The following PTPRM variants were observed in gnomAD, a reference collection of about 807,000 sequenced individuals.
PTPRM encodes the protein protein tyrosine phosphatase receptor type M.
Under a neutral mutation model 186.7 loss-of-function variants are expected in PTPRM, and 47 were observed. The observed-to-expected ratio is 0.25, with a 90% CI of 0.20 to 0.32. The LOEUF (loss-of-function observed/expected upper bound fraction) is 0.32. Among genes scored for constraint, PTPRM ranks in the 10% least tolerant of loss-of-function variants. PTPRM has a pLI of 1.00. For synonymous variants in PTPRM, 668 were observed against 674.9 expected, an observed-to-expected ratio of 0.99 and a Z score of 0.16; for missense variants, 1,494 against 1,865.0, an observed-to-expected ratio of 0.80 and a Z score of 3.66.
intron 1 of PTPRM, among the ~76,000 whole-genome samples, chr18:7,572,844 C>T (rs1320729945): frequency 2.0e-5 from 3 of 152,158 alleles, no homozygotes; most frequent in African/African-American, 7.2e-5. Context: ...GTCTTTCCAA[C>T]TCACAAACAT....
intron 2 of PTPRM, among the ~76,000 whole-genome samples, chr18:7,875,360 A>G (rs2048187580): frequency 6.8e-6 from 1 of 146,844 alleles, no homozygotes; most frequent in East Asian, 2.0e-4. Flanking sequence ...GTCTCCCTCT[A>G]TTGCCCAGGC....
At chr18:8,316,128 C>T (rs933970962) in intron 21 of PTPRM, among the ~76,000 whole-genome samples, 1 of 152,198 alleles carries the variant, frequency 6.6e-6, no homozygotes, top group Non-Finnish European at 1.5e-5. Flanking sequence ...AGTGTCTTAT[C>T]CAGTCCACTT....
At chr18:7,634,887 A>G (rs898145393) in intron 1 of PTPRM, among the ~76,000 whole-genome samples, 2 of 152,230 alleles carry the variant, frequency 1.3e-5, no homozygotes, top group Non-Finnish European at 2.9e-5. Context: ...AATAACATGC[A>G]TATGACAACA....
At chr18:8,048,564 T>G (rs969745448) in intron 7 of PTPRM, among the ~76,000 whole-genome samples, 1 of 151,650 alleles carries the variant, frequency 6.6e-6, no homozygotes, top group African/African-American at 2.4e-5. Context: ...ATAGGCTCTT[T>G]TAAATTGAGG....
chr18:8,032,798 A>T (rs1248176918), intron 7 of PTPRM, among the ~76,000 whole-genome samples: 1 of 152,136 alleles, frequency 6.6e-6, no homozygotes, highest in Non-Finnish European at 1.5e-5. Context: ...GTAACCAGAA[A>T]TGAGTTATTT....
intron 1 of PTPRM, among the ~76,000 whole-genome samples, chr18:7,723,044 T>C (rs1350438645): frequency 6.6e-6 from 1 of 152,260 alleles, no homozygotes; most frequent in Non-Finnish European, 1.5e-5. Flanking sequence ...GTCAGTGAAC[T>C]AGCGTTTGAA....
chr18:7,643,597 C>T (rs188383527), intron 1 of PTPRM, among the ~76,000 whole-genome samples: 126 of 152,266 alleles, frequency 8.3e-4, no homozygotes, highest in African/African-American at 2.6e-3. Flanking sequence ...GCTTTGGCCT[C>T]GCAAAGTGCT....
At position 7,611,053 on chromosome 18, in the gene PTPRM, T is replaced by C. The variant is rs557587287; in HGVS notation, c.73+43162T>C. Among the ~76,000 whole-genome samples, 11 of 152,238 alleles carry C rather than the reference T, an allele frequency of 7.2e-5. No individual in the cohort carries two copies. The East Asian group carries it at 1.7e-3, about 24-fold the overall frequency. On this transcript the variant is annotated intron_variant, in intron 1 of 32. Coordinates refer to ENST00000580170, the MANE Select transcript of PTPRM (RefSeq NM_001105244.2). ...CTAGGCTAATGTATGTGCCTGTGTA[T>C]TAGTTTTTAACAAACAAAAAAAGAA...
chr18:8,300,178 A>G (rs933520457), intron 20 of PTPRM, among the ~76,000 whole-genome samples: 1 of 152,152 alleles, frequency 6.6e-6, no homozygotes, highest in African/African-American at 2.4e-5. Context: ...TGTTGTGAGG[A>G]CACCACTGGG....
At chr18:8,295,231 T>C (rs573086898) in intron 19 of PTPRM, among the ~76,000 whole-genome samples, 2 of 152,244 alleles carry the variant, frequency 1.3e-5, no homozygotes, top group South Asian at 4.1e-4. Flanking sequence ...ACTGCAGCAG[T>C]GCTAAGCAAC....
In PTPRM at chr18:8,225,748, G is replaced by T. The variant is rs149008240; in HGVS notation, c.2301-18310G>T. Among the ~76,000 whole-genome samples, 42 of 152,174 alleles carry T rather than the reference G, an allele frequency of 2.8e-4. No individual in the cohort carries two copies. The East Asian group carries it at 8.1e-3, about 29-fold the overall frequency. On this transcript the variant is annotated intron_variant, in intron 14 of 32. Transcript: ENST00000580170. ...TAAGAGAATATCTTTATGACCTCAG[G>T]GTAGGGAACGTCCTAAAATCATAAT...
chr18:8,314,926 T>C, intron 21 of PTPRM, 69 bp downstream of exon 21: 1 of 1,021,596 alleles, frequency 9.8e-7, no homozygotes, highest in East Asian at 2.7e-5. Flanking sequence ...TATGATATTT[T>C]GATACATGTA....
intron 1 of PTPRM, among the ~76,000 whole-genome samples, chr18:7,733,032 T>C (rs1183770108): frequency 6.6e-6 from 1 of 152,172 alleles, no homozygotes. Flanking sequence ...AAATTAGGCA[T>C]GTAGACACAT....
chr18:8,134,214 A>G (rs932476978), intron 13 of PTPRM, among the ~76,000 whole-genome samples: 3 of 152,180 alleles, frequency 2.0e-5, no homozygotes, highest in African/African-American at 7.2e-5. Flanking sequence ...CTGCTTTTAC[A>G]CTTATATGTT....
At chr18:7,651,812 T>C (rs1474581054) in intron 1 of PTPRM, among the ~76,000 whole-genome samples, 1 of 152,262 alleles carries the variant, frequency 6.6e-6, no homozygotes, top group East Asian at 1.9e-4. Context: ...GAAGAAAACC[T>C]AGGCATTACC....
chr18:7,942,146 G>C (rs1404781252), intron 5 of PTPRM, among the ~76,000 whole-genome samples: 3 of 152,034 alleles, frequency 2.0e-5, no homozygotes, highest in African/African-American at 7.2e-5. Context: ...AGCTGGTTGT[G>C]GTGGCAGGCA....
At chr18:8,105,247 CCTTA>C (rs773150205) in intron 11 of PTPRM, among the ~76,000 whole-genome samples, 31 of 152,230 alleles carry the variant, frequency 2.0e-4, no homozygotes, top group Middle Eastern at 6.8e-3. Flanking sequence ...GTGCCAGATC[CCTTA>C]CTATCACCAC....
rs973119127 is a variant in PTPRM, at chr18:7,869,358, G to A, written c.197-18748G>A. On this transcript the variant is annotated intron_variant, in intron 2 of 32. Coordinates refer to ENST00000580170, the MANE Select transcript of PTPRM (RefSeq NM_001105244.2). ...CCGGGGGGAATCTCCTAGTCTGTGG[G>A]TTGCAAAGACTGTGGGAAAAGCGTA... is the stretch of plus-strand genomic sequence containing the variant. Among the ~76,000 whole-genome samples, 3 of 152,202 alleles carry A rather than the reference G, an allele frequency of 2.0e-5. No homozygotes were observed. In the East Asian group the frequency reaches 5.8e-4, roughly 29 times the overall value.
chr18:7,653,118 T>TTTATTATTA (rs150577417), intron 1 of PTPRM, among the ~76,000 whole-genome samples: 1,568 of 145,490 alleles, frequency 0.011, 26 homozygotes, highest in African/African-American at 0.037. Flanking sequence ...CACTATGTAC[T>TTTATTATTA]TTATTATTAT....
Sources: gnomAD v4.1 joint callset for allele counts (sites outside exome capture counted in the v4.1 genomes callset) on GRCh38, gnomAD v4.1.1 for gene constraint, MANE v1.5 for transcripts, NCBI Gene and HGNC (gene_info 2026-07-23, HGNC 2026-07-21) for gene names.